Variants in EIF4G1 observed in about 807,000 individuals in gnomAD.
The protein encoded by EIF4G1 is eukaryotic translation initiation factor 4 gamma 1.
In EIF4G1, 4 loss-of-function variants were observed where a neutral mutation model predicts 187.8. That is an observed-to-expected ratio of 0.02 (90% confidence interval 0.01 to 0.05). The LOEUF (loss-of-function observed/expected upper bound fraction) is 0.05, where lower values mean the gene tolerates loss of function less well. Among genes scored for constraint, EIF4G1 ranks in the 10% least tolerant of loss-of-function variants. EIF4G1 has a pLI of 1.00. For missense variants in EIF4G1, 1,647 were observed against 2,081.1 expected, an observed-to-expected ratio of 0.79 and a Z score of 4.06; for synonymous variants, 844 against 781.4, an observed-to-expected ratio of 1.08 and a Z score of -1.34.
In EIF4G1 at chr3:184,324,321, C is replaced by A; in HGVS notation, c.2593C>A (p.Gln865Lys). The A allele has an allele frequency of 6.2e-7, 1 of 1,614,092 alleles. No individual in the cohort carries two copies. The highest frequency in any genetic ancestry group is 8.5e-7 in the Non-Finnish European group (1 of 1,180,016). ...TGATGATGAGGTTTTTGAGAAGAAG[C>A]AAAAAGAGATGGATGAAGCTGCTAC... Reference protein sequence around the residue: ...KDDDEVFEKKQKEMDEAATAE... With the variant: ...KDDDEVFEKKKKEMDEAATAE... The change falls in exon 17 of 33, where the codon CAA becomes AAA. Residue 865 changes from glutamine (Q) to lysine (K), a missense_variant. By Grantham distance (53) the Gln-to-Lys change is moderately conservative (BLOSUM62 1). This residue lies in a region of EIF4G1 where 40 missense variants were observed against 42.2 expected (regional missense o/e 0.95). Transcript: ENST00000346169.
chr3:184,331,246 G>C lies in EIF4G1; in HGVS notation c.4162-20G>C, dbSNP rs375674416. The stretch of plus-strand genomic sequence containing the variant: ...GAGAGAGAGAGCTTTGGTAAGCTGG[G>C]TTGGTCTTGTGTTTTCCAGGGTCCT... On this transcript the variant is annotated intron_variant, in intron 28 of 32. Coordinates refer to ENST00000346169, the MANE Select transcript of EIF4G1 (RefSeq NM_198241.3). The C allele has an allele frequency of 1.1e-5, 17 of 1,613,812 alleles. No homozygotes were observed. The highest frequency in any genetic ancestry group is 1.4e-5 in the Non-Finnish European group (17 of 1,179,686).
rs1723944677 is a variant in EIF4G1, at chr3:184,321,871, A to G, written c.1287A>G (p.Thr429=). 2.5e-6 allele frequency: 4 copies of G among 1,613,978 alleles called. No homozygotes were observed. Among genetic ancestry groups the G allele is most frequent in the East Asian group, 2.2e-5 (1 of 44,900 alleles). ...CAGAGGAGCAGGCCAAGGAGGTGAC[A>G]GCATCAATGGCGCCCCCCACCATCC... The part of the protein sequence containing the change: ...SEPEEQAKEV[T]ASMAPPTIPS... The change falls in exon 10 of 33, where the codon ACA becomes ACG. Residue 429 remains threonine (T), a synonymous_variant. Transcript: ENST00000346169.
chr3:184,322,167 A>G, intron 10 of EIF4G1, 64 bp downstream of exon 10: 1 of 1,610,082 alleles, frequency 6.2e-7, no homozygotes, highest in East Asian at 2.2e-5. Context: ...GCCCTCCTTG[A>G]TGACCGCCCA....
intron 32 of EIF4G1, 113 bp downstream of exon 32, chr3:184,332,199 GC>G: frequency 7.1e-7 from 1 of 1,409,926 alleles, no homozygotes; most frequent in Non-Finnish European, 9.9e-7. Context: ...TCATTAGAGA[GC>G]AAAATGCCCT....
At chr3:184,326,425 C>A in intron 21 of EIF4G1, 102 bp from the exon 22 acceptor site, 1 of 1,233,986 alleles carries the variant, frequency 8.1e-7, no homozygotes, top group Non-Finnish European at 1.2e-6. Context: ...TTTCTGACCC[C>A]TGGACTGGGC....
At position 184,322,118 on chromosome 3, in the gene EIF4G1, G is replaced by A; in HGVS notation, c.1519+15G>A. ...AGCCACTCAAGGTAAGGTGTGGTTG[G>A]ACGGTAGAGGTAGGGCGGGCTAGGG... On this transcript the variant is annotated intron_variant, in intron 10 of 32. Transcript: ENST00000346169. 6.2e-7 allele frequency: 1 copy of A among 1,614,052 alleles called. No homozygotes were observed. The highest frequency in any genetic ancestry group is 8.5e-7 in the Non-Finnish European group (1 of 1,180,036).
chr3:184,317,535 C>T (rs1295561388), intron 5 of EIF4G1, 38 bp downstream of exon 5: 14 of 1,611,986 alleles, frequency 8.7e-6, no homozygotes, highest in Admixed American at 6.7e-5. Flanking sequence ...GCCACAGACC[C>T]CTATACCTCT....
rs2230570 is a variant in EIF4G1, at chr3:184,327,622, T to C, written c.3698T>C (p.Leu1233Pro). ...GCTGCCCTACCCCCAGTGAGCCCCC[T>C]GAAGGCGGCTCTCTCTGAGGAGGAG... Reference protein sequence around the residue: ...REAALPPVSPLKAALSEEELE... With the variant: ...REAALPPVSPPKAALSEEELE... Residue 1233 changes from leucine to proline, a missense_variant, in exon 25 of 33, where the codon CTG (leucine) becomes CCG (proline). By Grantham distance (98) the Leu-to-Pro change is moderately conservative. Around this residue, in one of 11 missense-constraint regions of EIF4G1, gnomAD observed 543 missense variants for 638.0 expected, o/e 0.85. Transcript: ENST00000346169. 0.025 allele frequency: 40,949 copies of C among 1,614,168 alleles called. 765 individuals are homozygous for C. The highest frequency in any genetic ancestry group is 0.09 in the African/African-American group (6,723 of 75,052).
In EIF4G1 at chr3:184,317,340, C is replaced by T. The variant is rs367958841; in HGVS notation, c.167C>T (p.Ala56Val). 6.2e-7 allele frequency: 1 copy of T among 1,614,116 alleles called. No homozygotes were observed. Among genetic ancestry groups the T allele is most frequent in the South Asian group, 1.1e-5 (1 of 91,076 alleles). The change falls in exon 5 of 33, where the codon GCC becomes GTC. Residue 56 changes from alanine (A) to valine (V), a missense_variant. Ala to Val is a moderately conservative substitution (Grantham distance 64). Around this residue, in one of 11 missense-constraint regions of EIF4G1, gnomAD observed 139 missense variants for 187.3 expected, o/e 0.74. Transcript: ENST00000346169. ...QPRQHFYPSR[A>V]QPPSSAASRV... ...TGACAGCACTTCTACCCTAGCCGGG[C>T]CCAGCCCCCGAGCAGTGCAGCCTCC...
chr3:184,319,876 C>A (rs1464339098), intron 7 of EIF4G1, 75 bp downstream of exon 7: 1 of 1,101,118 alleles, frequency 9.1e-7, no homozygotes, highest in Non-Finnish European at 1.4e-6. Flanking sequence ...GACATTGTGC[C>A]GGAAAGAGCA....
In EIF4G1 at chr3:184,323,638, G is replaced by C. The variant is rs761719817; in HGVS notation, c.2274+45G>C. On this transcript the variant is annotated intron_variant, in intron 15 of 32. Coordinates refer to ENST00000346169, the MANE Select transcript of EIF4G1 (RefSeq NM_198241.3). This position sits in a 1 kb window ranked among gnomAD's most constrained non-coding sequence, Gnocchi z 6.9. ...TTGGTCTCTCTCCATTTCTTCTCCA[G>C]GTCTGCCATCTGTGCCCTCTTTGCT... 1 of 1,613,032 alleles carries C rather than the reference G, an allele frequency of 6.2e-7. No homozygotes were observed. The highest frequency in any genetic ancestry group is 1.1e-5 in the South Asian group (1 of 91,024).
At chr3:184,318,423 C>CCAA (rs1420497111) in intron 6 of EIF4G1, among the ~76,000 whole-genome samples, 9 of 152,042 alleles carry the variant, frequency 5.9e-5, no homozygotes, top group African/African-American at 1.9e-4. Context: ...TTGAGACCAG[C>CCAA]CTGGGAAACT....
chr3:184,323,420 C>T lies in EIF4G1; in HGVS notation c.2101C>T (p.Pro701Ser). ...ELPRGPAGLG[P>S]RRSQQGPRKE... ...CCTTGCTTAGCAGGCTGGCCTGGGA[C>T]CCCGGCGCTCTCAGCAGGGACCCCG... Residue 701 changes from proline to serine, a missense_variant, in exon 15 of 33, where the codon CCC becomes TCC. Physicochemically the swap from Pro to Ser is moderately conservative, Grantham distance 74 (BLOSUM62 -1). Transcript: ENST00000346169. The surrounding 1 kb of genome is among the most constrained non-coding windows in gnomAD (Gnocchi z 6.9). 1 of 1,614,218 alleles carries T rather than the reference C, an allele frequency of 6.2e-7. No homozygotes were observed. Among genetic ancestry groups the T allele is most frequent in the Non-Finnish European group, 8.5e-7 (1 of 1,180,044 alleles).
Position 184,325,560 on chromosome 3 carries a change from T to A in EIF4G1, c.3042T>A (p.His1014Gln). 1 of 1,614,078 alleles carries A rather than the reference T, an allele frequency of 6.2e-7. No individual in the cohort carries two copies. The highest frequency in any genetic ancestry group is 8.5e-7 in the Non-Finnish European group (1 of 1,180,010). The change falls in exon 20 of 33, where the codon CAT becomes CAA. Residue 1014 changes from histidine (H) to glutamine (Q), a missense_variant. His to Gln is a conservative substitution (Grantham distance 24). Coordinates refer to ENST00000346169, the MANE Select transcript of EIF4G1 (RefSeq NM_198241.3). This position sits in a 1 kb window ranked among gnomAD's most constrained non-coding sequence, Gnocchi z 5.2. ...QIHKEAEMEE[H>Q]REHIKVQQLM... The stretch of plus-strand genomic sequence containing the variant: ...ATAAGGAGGCTGAGATGGAAGAACA[T>A]CGAGAGCACATCAAAGTGCAGCAGC...
intron 22 of EIF4G1, 32 bp downstream of exon 22, chr3:184,326,661 A>G (rs771681614): frequency 1.9e-6 from 3 of 1,604,062 alleles, no homozygotes; most frequent in East Asian, 2.2e-5. Flanking sequence ...CTGGGTGGTT[A>G]CCCGTCAGAG....
At chr3:184,326,021 T>G (rs1163475824) in intron 21 of EIF4G1, 70 bp downstream of exon 21, 47 of 1,507,126 alleles carry the variant, frequency 3.1e-5, no homozygotes, top group Non-Finnish European at 2.8e-5. Context: ...TTTCTAAAGT[T>G]GAGAAGGTGA....
In EIF4G1 at chr3:184,325,857, G is replaced by C. The variant is rs1724788273; in HGVS notation, c.3128G>C (p.Gly1043Ala). Residue 1043 changes from glycine (G) to alanine (A), a missense_variant, in exon 21 of 33, where the codon GGA (glycine) becomes GCA (alanine). This residue lies in a region of EIF4G1 where 142 missense variants were observed against 296.6 expected (regional missense o/e 0.48). Coordinates refer to ENST00000346169, the MANE Select transcript of EIF4G1 (RefSeq NM_198241.3). The surrounding 1 kb of genome is among the most constrained non-coding windows in gnomAD (Gnocchi z 5.2). ...GCCCCTCTTTTTGTGTCAGGCCGTG[G>C]ACTTCCCCTTGTGGATGATGGTGGC... is the stretch of plus-strand genomic sequence containing the variant. ...GGPPGPPISR[G>A]LPLVDDGGWN... 1 of 1,614,000 alleles carries C rather than the reference G, an allele frequency of 6.2e-7. No individual in the cohort carries two copies. The highest frequency in any genetic ancestry group is 8.5e-7 in the Non-Finnish European group (1 of 1,180,028).
chr3:184,316,063 T>G, intron 3 of EIF4G1, 69 bp from the exon 4 acceptor site: 1 of 1,602,184 alleles, frequency 6.2e-7, no homozygotes, highest in Non-Finnish European at 8.5e-7. Flanking sequence ...GCTCCCCTTA[T>G]TTCACCAGCT....
chr3:184,325,445 C>T lies in EIF4G1; in HGVS notation c.2962-35C>T. 1.2e-6 allele frequency: 2 copies of T among 1,614,200 alleles called. No homozygotes were observed. The highest frequency in any genetic ancestry group is 8.5e-7 in the Non-Finnish European group (1 of 1,180,044). Reference sequence around the variant, plus strand: ...CTGACACTGCCTTGTCTTGCCTTCCCTGACATCATCGTGACTGGCCCTCTG... The same window carrying T: ...CTGACACTGCCTTGTCTTGCCTTCCTTGACATCATCGTGACTGGCCCTCTG... On this transcript the variant is annotated intron_variant, in intron 19 of 32. Coordinates refer to ENST00000346169, the MANE Select transcript of EIF4G1 (RefSeq NM_198241.3). This position sits in a 1 kb window ranked among gnomAD's most constrained non-coding sequence, Gnocchi z 5.2.
Sources: allele counts gnomAD v4.1 joint callset (sites outside exome capture counted in the v4.1 genomes callset), GRCh38; gene constraint gnomAD v4.1.1; regional missense constraint gnomAD v4.1.1; non-coding constraint Gnocchi (gnomAD v3.1); transcripts MANE v1.5; gene names NCBI Gene and HGNC (gene_info 2026-07-23, HGNC 2026-07-21).